The following D2HGDH variants were observed in gnomAD, a reference collection of about 807,000 sequenced individuals.
D2HGDH encodes D-2-hydroxyglutarate dehydrogenase, mitochondrial.
A neutral mutation model predicts 46.9 loss-of-function variants in D2HGDH; 31 were observed. That is an observed-to-expected ratio of 0.66 (90% confidence interval 0.50 to 0.89). The LOEUF (loss-of-function observed/expected upper bound fraction) is 0.89. D2HGDH is among the 40% of genes least tolerant of loss of function. The pLI, the probability that D2HGDH is intolerant of heterozygous loss-of-function variation, is 0.00. For missense variants in D2HGDH, 698 were observed against 720.8 expected, an observed-to-expected ratio of 0.97 and a Z score of 0.36; for synonymous variants, 364 against 332.6, an observed-to-expected ratio of 1.09 and a Z score of -1.03.
chr2:241,745,296 T>TG (rs1695571249), intron 6 of D2HGDH, among the ~76,000 whole-genome samples: 1 of 152,214 alleles, frequency 6.6e-6, no homozygotes, highest in South Asian at 2.1e-4. Context: ...CAGCCCAGAC[T>TG]GGGGGTCTCA....
chr2:241,758,311 T>G (rs991837056), intron 9 of D2HGDH, among the ~76,000 whole-genome samples: 2 of 152,072 alleles, frequency 1.3e-5, no homozygotes, highest in Non-Finnish European at 2.9e-5. Flanking sequence ...GGCCTGGAGG[T>G]TTTTTTGAGG....
chr2:241,739,925 G>T (rs768602593), intron 2 of D2HGDH, among the ~76,000 whole-genome samples: 47 of 152,332 alleles, frequency 3.1e-4, no homozygotes, highest in Admixed American at 9.1e-4. Flanking sequence ...TGGGTGGATT[G>T]CTTGAGGCCA....
At chr2:241,759,374 T>G (rs1698527033) in intron 9 of D2HGDH, among the ~76,000 whole-genome samples, 1 of 152,232 alleles carries the variant, frequency 6.6e-6, no homozygotes, top group Non-Finnish European at 1.5e-5. Context: ...GTCTCTTTGT[T>G]TTGGGAAACT....
At position 241,736,381 on chromosome 2, in the gene D2HGDH, C is replaced by G. The variant is rs141750256; in HGVS notation, c.292+865C>G. 824 of 152,388 alleles carry G rather than the reference C, an allele frequency of 5.4e-3. 5 individuals carry two copies. Among genetic ancestry groups the G allele is most frequent in the South Asian group, 0.011 (53 of 4,826 alleles). The allele number at this position is 152,388 out of a possible 1,614,324, so 9.4% of individuals were successfully genotyped here. ...CCACCAAACCCCACAAGTTTGTTCT[C>G]TAAGCTCTGGAGGCCAAAAGTGTGA... On this transcript the variant is annotated intron_variant, in intron 2 of 9. Coordinates refer to ENST00000321264, the MANE Select transcript of D2HGDH (RefSeq NM_152783.5).
In D2HGDH at chr2:241,754,121, G is replaced by A. The variant is rs376630091; in HGVS notation, c.1141-1728G>A. On this transcript the variant is annotated intron_variant, in intron 8 of 9. Transcript: ENST00000321264. Reference sequence around the variant, plus strand: ...GGGTGTGGAGCTGAGTGACTGAGGCGTGAGCAGACAAGGGTAGAGCCCATC... The same window carrying A: ...GGGTGTGGAGCTGAGTGACTGAGGCATGAGCAGACAAGGGTAGAGCCCATC... Among the ~76,000 whole-genome samples, 15 of 152,378 alleles carry A rather than the reference G, an allele frequency of 9.8e-5. No individual in the cohort carries two copies. In the South Asian group the frequency reaches 1.0e-3, roughly 11 times the overall value.
intron 9 of D2HGDH, among the ~76,000 whole-genome samples, chr2:241,758,764 AAT>A (rs201343466): frequency 0.016 from 1,885 of 117,390 alleles, 23 homozygotes; most frequent in Admixed American, 0.033. Flanking sequence ...CCCGCCCCAC[AAT>A]ATATGTGTGT....
At position 241,748,954 on chromosome 2, in the gene D2HGDH, G is replaced by A. The variant is rs770474714; in HGVS notation, c.854-1197G>A. ...TCTTCGCACTCCAGGTCTCAGACAG[G>A]AGTCACTCGCCTCTTCGTGCCACGC... On this transcript the variant is annotated intron_variant, in intron 6 of 9. Coordinates refer to ENST00000321264, the MANE Select transcript of D2HGDH (RefSeq NM_152783.5). 2.2e-4 allele frequency: 281 copies of A among 1,283,804 alleles called. 1 individual carries two copies. Among genetic ancestry groups the A allele is most frequent in the Non-Finnish European group, 2.7e-4 (269 of 983,756 alleles). The allele number at this position is 1,283,804 out of a possible 1,614,324, so 79.5% of individuals were successfully genotyped here. A position where few individuals can be genotyped will look rare whatever the true frequency, so the allele number is the denominator to read the frequency against.
chr2:241,759,551 A>T (rs549026959), intron 9 of D2HGDH, among the ~76,000 whole-genome samples: 7 of 151,904 alleles, frequency 4.6e-5, no homozygotes, highest in African/African-American at 1.2e-4. Flanking sequence ...AGTGATTTAG[A>T]TGTGTTTCTT....
chr2:241,763,531 A>T (rs1293854514), intron 9 of D2HGDH, among the ~76,000 whole-genome samples: 1 of 152,144 alleles, frequency 6.6e-6, no homozygotes, highest in Non-Finnish European at 1.5e-5. Flanking sequence ...GGCCTAGGAG[A>T]TGACCGTACT....
intron 7 of D2HGDH, 111 bp downstream of exon 7, chr2:241,750,405 G>T: frequency 1.0e-6 from 1 of 988,682 alleles, no homozygotes; most frequent in Non-Finnish European, 1.5e-6. Flanking sequence ...GGGCGGGCGG[G>T]TGGGGGGTCC....
intron 9 of D2HGDH, among the ~76,000 whole-genome samples, chr2:241,761,533 C>T (rs1476532711): frequency 2.6e-5 from 4 of 152,010 alleles, no homozygotes; most frequent in East Asian, 1.9e-4. Flanking sequence ...AGCGAAACTC[C>T]GTCTCAAGAA....
chr2:241,735,845 C>T (rs561113071), intron 2 of D2HGDH: 17 of 363,394 alleles, frequency 4.7e-5, no homozygotes, highest in African/African-American at 2.8e-4. Flanking sequence ...TCACTGCCAC[C>T]TCTGCCTCCC....
In D2HGDH at chr2:241,749,242, C is replaced by G. The variant is rs558769901; in HGVS notation, c.854-909C>G. On this transcript the variant is annotated intron_variant, in intron 6 of 9. Coordinates refer to ENST00000321264, the MANE Select transcript of D2HGDH (RefSeq NM_152783.5). ...AGCCCTCTACGCGTCTGCAGCCACACCCCGACATGGTGCTCGGGTCACAGG... is the reference window on the plus strand; with the variant it reads ...AGCCCTCTACGCGTCTGCAGCCACAGCCCGACATGGTGCTCGGGTCACAGG... 2.8e-5 allele frequency: 33 copies of G among 1,196,276 alleles called. No individual in the cohort carries two copies. In the African/African-American group the frequency reaches 4.7e-4, roughly 17 times the overall value. 74.1% of individuals were successfully genotyped at this position (1,196,276 alleles called of 1,614,324 possible). A position where few individuals can be genotyped will look rare whatever the true frequency, so the allele number is the denominator to read the frequency against.
chr2:241,760,632 T>G (rs1167564565), intron 9 of D2HGDH, among the ~76,000 whole-genome samples: 24 of 124,682 alleles, frequency 1.9e-4, no homozygotes, highest in East Asian at 5.3e-4. Flanking sequence ...TCAGTCGAAG[T>G]CCTTTGCCAC....
intron 9 of D2HGDH, among the ~76,000 whole-genome samples, chr2:241,764,158 G>A (rs1169676513): frequency 6.6e-6 from 1 of 151,814 alleles, no homozygotes; most frequent in African/African-American, 2.4e-5. Flanking sequence ...TCTCTGGCCT[G>A]AGCACGCATC....
At position 241,751,129 on chromosome 2, in the gene D2HGDH, CCTT is replaced by C. The variant is rs1697115960; in HGVS notation, c.998-113_998-111del. The C allele has an allele frequency of 7.8e-6, 11 of 1,413,192 alleles. No homozygotes were observed. In the East Asian group the frequency reaches 1.4e-4, roughly 18 times the overall value. 87.5% of individuals were successfully genotyped at this position (1,413,192 alleles called of 1,614,324 possible). On this transcript the variant is annotated intron_variant, in intron 7 of 9. Coordinates refer to ENST00000321264, the MANE Select transcript of D2HGDH (RefSeq NM_152783.5). ...TGTGTGCTCCGCAGGCTGCCTGGGT[CCTT>C]CTTGGCCACGAAAGATCAGTGGTTG...
chr2:241,762,859 T>G (rs1350508169), intron 9 of D2HGDH, among the ~76,000 whole-genome samples: 1 of 152,200 alleles, frequency 6.6e-6, no homozygotes, highest in African/African-American at 2.4e-5. Context: ...CATGACACGT[T>G]TGTGTTCTGT....
At chr2:241,755,546 A>C in intron 8 of D2HGDH, 2 of 1,405,720 alleles carry the variant, frequency 1.4e-6, no homozygotes, top group Non-Finnish European at 1.9e-6. Flanking sequence ...TGATTGCCGG[A>C]GTCCCAGGGT....
chr2:241,746,217 C>T (rs1695821759), intron 6 of D2HGDH, among the ~76,000 whole-genome samples: 1 of 152,142 alleles, frequency 6.6e-6, no homozygotes, highest in Non-Finnish European at 1.5e-5. Flanking sequence ...ATCTCCCCTC[C>T]ATATTGTCAT....
Sources: allele counts gnomAD v4.1 joint callset (sites outside exome capture counted in the v4.1 genomes callset), GRCh38; gene constraint gnomAD v4.1.1; transcripts MANE v1.5; gene names NCBI Gene and HGNC (gene_info 2026-07-23, HGNC 2026-07-21).